CTNS: variants seen among roughly 807,000 people sequenced by gnomAD.
CTNS encodes the protein cystinosin.
Under a neutral mutation model 43.7 loss-of-function variants are expected in CTNS, and 27 were observed. The ratio of observed to expected loss-of-function variants is 0.62; its 90% CI spans 0.46 to 0.85. The LOEUF (loss-of-function observed/expected upper bound fraction) is 0.85, where lower values mean the gene tolerates loss of function less well. Among genes scored for constraint, CTNS ranks in the 40% least tolerant of loss-of-function variants. The probability of loss-of-function intolerance (pLI) is 0.00; values close to 1 mark genes in which losing one functional copy is unlikely to be tolerated. For synonymous variants in CTNS, 187 were observed against 190.6 expected (o/e 0.98, Z 0.16); for missense variants, 457 against 475.4 (o/e 0.96, Z 0.36).
chr17:3,658,250 G>T (rs2076202944), intron 10 of CTNS, 75 bp downstream of exon 10: 4 of 1,572,836 alleles, frequency 2.5e-6, no homozygotes, highest in Admixed American at 1.8e-5. Context: ...CTGCTCCGGT[G>T]GGGCAGCTCC....
chr17:3,655,689 A>G, intron 7 of CTNS: 1 of 379,624 alleles, frequency 2.6e-6, no homozygotes, highest in Non-Finnish European at 5.1e-6. Flanking sequence ...TTGCGGCGTC[A>G]AGTCCTGTAG....
At chr17:3,638,777 G>A (rs1289127754) in intron 2 of CTNS, among the ~76,000 whole-genome samples, 5 of 152,174 alleles carry the variant, frequency 3.3e-5, no homozygotes, top group South Asian at 4.1e-4. Flanking sequence ...TGTGAGGAGC[G>A]GAGGGCAGCA....
chr17:3,637,860 C>T (rs1389791454), intron 2 of CTNS, among the ~76,000 whole-genome samples: 1 of 148,658 alleles, frequency 6.7e-6, no homozygotes, highest in Non-Finnish European at 1.5e-5. Context: ...TTGTTTGGCA[C>T]CACAAGGTCG....
At chr17:3,651,984 A>AAAAAAAG (rs1555561837) in intron 5 of CTNS, among the ~76,000 whole-genome samples, 4 of 126,050 alleles carry the variant, frequency 3.2e-5, no homozygotes, top group South Asian at 2.5e-4. Context: ...AAAAAAAAAG[A>AAAAAAAG]AAAGAAAAGA....
In CTNS at chr17:3,639,382, G is replaced by A. The variant is rs546506628; in HGVS notation, c.-19-806G>A. 6.0e-4 allele frequency among the ~76,000 whole-genome samples: 91 copies of A among 152,128 alleles called. 1 individual carries two copies. Among genetic ancestry groups the A allele is most frequent in the African/African-American group, 2.1e-3 (89 of 41,522 alleles). ...GGAATGGTGACACTTGTCAAATAAA[G>A]TCTTGACAGGCGCGGTGGCTCCTAC... On this transcript the variant is annotated intron_variant, in intron 2 of 11. Coordinates refer to ENST00000046640, the MANE Select transcript of CTNS (RefSeq NM_004937.3).
At chr17:3,636,622 T>A (rs1031417953), upstream of CTNS, 3 of 193,378 alleles carry the variant, frequency 1.6e-5, no homozygotes, top group Non-Finnish European at 3.2e-5. Context: ...CCAGCTGCGC[T>A]CTGTCCGTCT....
chr17:3,648,462 A>G (rs1257595446), intron 4 of CTNS, among the ~76,000 whole-genome samples: 3 of 151,956 alleles, frequency 2.0e-5, no homozygotes, highest in African/African-American at 7.3e-5. Flanking sequence ...CTCCCTCCTC[A>G]TTCCCTGCCT....
Position 3,645,967 on chromosome 17 carries a change from A to G in CTNS, c.62-1477A>G, listed in dbSNP as rs570962185. ...GAGTGACAGGGTCTGGGTGGGGGGA[A>G]CTGGGCCTGGGGGGTCTGAGTGACG... is the stretch of plus-strand genomic sequence containing the variant. On this transcript the variant is annotated intron_variant, in intron 3 of 11. Coordinates refer to ENST00000046640, the MANE Select transcript of CTNS (RefSeq NM_004937.3). 1.0e-3 allele frequency among the ~76,000 whole-genome samples: 103 copies of G among 101,226 alleles called. 1 individual carries two copies. Among genetic ancestry groups the G allele is most frequent in the African/African-American group, 3.3e-3 (98 of 30,134 alleles). The allele number at this position is 101,226 out of a possible 152,430, so 66.4% of individuals were successfully genotyped here.
intron 3 of CTNS, among the ~76,000 whole-genome samples, chr17:3,643,268 C>T (rs544525246): frequency 7.9e-5 from 12 of 151,778 alleles, no homozygotes; most frequent in East Asian, 2.0e-4. Flanking sequence ...GAGTCGAGAT[C>T]GTGCCACTGC....
intron 3 of CTNS, among the ~76,000 whole-genome samples, chr17:3,641,160 T>G (rs2075679810): frequency 6.6e-6 from 1 of 151,712 alleles, no homozygotes; most frequent in South Asian, 2.1e-4. Flanking sequence ...CAGGCTGGGA[T>G]GGAGTTTACA....
rs1280016920 is a variant in CTNS, at chr17:3,662,169, G to A, written c.*1800G>A. On this transcript the variant is annotated 3_prime_UTR_variant, in exon 12 of 12. Coordinates refer to ENST00000046640, the MANE Select transcript of CTNS (RefSeq NM_004937.3). ...CTACTAAAGATACAAAAATTAGCTG[G>A]GCATGGTGGCGGGCACCTGTAATCC... 2.0e-5 allele frequency among the ~76,000 whole-genome samples: 3 copies of A among 152,104 alleles called. No individual in the cohort carries two copies. The highest frequency in any genetic ancestry group is 4.4e-5 in the Non-Finnish European group (3 of 68,018).
rs776658046 is a variant in CTNS at position 3,656,749 on chromosome 17, C to T, written c.635C>T (p.Ala212Val). The change falls in exon 9 of 12, where the codon GCG (alanine) becomes GTG (valine). Residue 212 changes from alanine to valine, a missense_variant. By Grantham distance (64) the Ala-to-Val change is moderately conservative. Transcript: ENST00000046640. ...NSNDVFFSLH[A>V]VVLTLIIIVQ... is the part of the protein sequence containing the mutation. Reference sequence around the variant, plus strand: ...AACGACGTCTTCTTCAGCCTGCACGCGGTTGTCCTCACGCTGATCATCATC... The same window carrying T: ...AACGACGTCTTCTTCAGCCTGCACGTGGTTGTCCTCACGCTGATCATCATC... The T allele has an allele frequency of 1.6e-5, 26 of 1,613,396 alleles. No homozygotes were observed. The highest frequency in any genetic ancestry group is 3.3e-5 in the Admixed American group (2 of 59,984).
intron 2 of CTNS, among the ~76,000 whole-genome samples, chr17:3,638,572 C>A (rs1397057905): frequency 6.6e-6 from 1 of 152,164 alleles, no homozygotes. Context: ...AATTGACTTA[C>A]CTCTCAATGT....
chr17:3,637,812 TCTC>T (rs34673536), intron 2 of CTNS, among the ~76,000 whole-genome samples: 8,985 of 152,154 alleles, frequency 0.059, 272 homozygotes, highest in Middle Eastern at 0.12. Context: ...GTGCTTTACA[TCTC>T]CTCATTTAAG....
At chr17:3,641,390 T>A (rs1408024318) in intron 3 of CTNS, among the ~76,000 whole-genome samples, 165 of 55,700 alleles carry the variant, frequency 3.0e-3, no homozygotes, top group South Asian at 0.022. Context: ...ATATATTTTT[T>A]TTTTTTTTTT....
In CTNS at chr17:3,656,702, C is replaced by A. The variant is rs757955245; in HGVS notation, c.588C>A (p.Asn196Lys). ...IKEQFLLKYP[N>K]GVNPVNSNDV... The stretch of plus-strand genomic sequence containing the variant: ...AGCAGTTTCTCCTCAAATACCCCAA[C>A]GGAGTGAACCCCGTGAACAGCAACG... Residue 196 changes from asparagine (N) to lysine (K), a missense_variant, in exon 9 of 12, where the codon AAC (asparagine) becomes AAA (lysine). Coordinates refer to ENST00000046640, the MANE Select transcript of CTNS (RefSeq NM_004937.3). 1 of 1,613,336 alleles carries A rather than the reference C, an allele frequency of 6.2e-7. No homozygotes were observed. Among genetic ancestry groups the A allele is most frequent in the Non-Finnish European group, 8.5e-7 (1 of 1,179,932 alleles).
chr17:3,642,266 G>A (rs1054002560), intron 3 of CTNS, among the ~76,000 whole-genome samples: 2 of 151,810 alleles, frequency 1.3e-5, no homozygotes, highest in African/African-American at 2.4e-5. Flanking sequence ...CCAGTTACCT[G>A]GAGGGGAAGC....
At position 3,647,535 on chromosome 17, in the gene CTNS, G is replaced by C; in HGVS notation, c.140+13G>C. 6.2e-7 allele frequency: 1 copy of C among 1,613,308 alleles called. No individual in the cohort carries two copies. The highest frequency in any genetic ancestry group is 8.5e-7 in the Non-Finnish European group (1 of 1,179,392). On this transcript the variant is annotated intron_variant, in intron 4 of 11. Coordinates refer to ENST00000046640, the MANE Select transcript of CTNS (RefSeq NM_004937.3). ...GCCTCACCCTGCGGTAAGTTCCTGG[G>C]CCTGGCGCTGTGCTCAGCTCCGCTC...
chr17:3,644,124 T>C (rs1344532994), intron 3 of CTNS, among the ~76,000 whole-genome samples: 2 of 152,238 alleles, frequency 1.3e-5, no homozygotes, highest in Non-Finnish European at 2.9e-5. Flanking sequence ...ATCCTGCAGT[T>C]ATCATGTGAT....
Sources: allele counts gnomAD v4.1 joint callset (sites outside exome capture counted in the v4.1 genomes callset), GRCh38; gene constraint gnomAD v4.1.1; transcripts MANE v1.5; gene names NCBI Gene and HGNC (gene_info 2026-07-23, HGNC 2026-07-21).